The following ATP11A variants were observed in gnomAD, a reference collection of about 807,000 sequenced individuals.
The protein encoded by ATP11A is phospholipid-transporting ATPase IH.
ATP11A carries 81 observed loss-of-function variants against 154.4 expected under a neutral mutation model. The ratio of observed to expected loss-of-function variants is 0.52; its 90% CI spans 0.44 to 0.63. The LOEUF is 0.63. Among genes scored for constraint, ATP11A ranks in the 30% least tolerant of loss-of-function variants. ATP11A has a pLI of 0.00. For synonymous variants in ATP11A, 623 were observed against 585.9 expected (o/e 1.06, Z -0.91); for missense variants, 1,316 against 1,474.3 (o/e 0.89, Z 1.76).
chr13:112,800,605 T>C (rs1426076331), intron 2 of ATP11A, among the ~76,000 whole-genome samples: 1 of 152,086 alleles, frequency 6.6e-6, no homozygotes, highest in Non-Finnish European at 1.5e-5. Context: ...TACAATCTCT[T>C]CCAGGTAATA....
intron 17 of ATP11A, among the ~76,000 whole-genome samples, chr13:112,843,496 A>T (rs1259850398): frequency 6.6e-6 from 1 of 152,098 alleles, no homozygotes; most frequent in African/African-American, 2.4e-5. Context: ...AGAAACAGTA[A>T]CTGACAGGCT....
At chr13:112,776,142 A>G (rs774360628) in intron 1 of ATP11A, among the ~76,000 whole-genome samples, 2 of 152,122 alleles carry the variant, frequency 1.3e-5, no homozygotes, top group Admixed American at 6.5e-5. Flanking sequence ...ACGGGGATTC[A>G]TGTTGACATC....
intron 20 of ATP11A, 105 bp downstream of exon 20, chr13:112,856,190 A>G: frequency 8.7e-7 from 1 of 1,155,614 alleles, no homozygotes. Flanking sequence ...CTAGCAGGGT[A>G]CCACCTGTTA....
At chr13:112,757,914 G>A (rs1490981339) in intron 1 of ATP11A, among the ~76,000 whole-genome samples, 1 of 152,178 alleles carries the variant, frequency 6.6e-6, no homozygotes, top group Non-Finnish European at 1.5e-5. Flanking sequence ...GCTGTGTTAG[G>A]GGAGCCAGGG....
chr13:112,694,186 C>T (rs540781104), intron 1 of ATP11A, among the ~76,000 whole-genome samples: 59 of 152,316 alleles, frequency 3.9e-4, no homozygotes, highest in African/African-American at 1.2e-3. Flanking sequence ...TGGCTTAATT[C>T]CTTCTGCCTC....
In ATP11A at chr13:112,864,938, G is replaced by GTA. The variant is rs1566590949; in HGVS notation, c.2991+2363_2991+2364insTA. 5.1e-3 allele frequency among the ~76,000 whole-genome samples: 198 copies of GTA among 38,768 alleles called. 14 individuals are homozygous for GTA. Among genetic ancestry groups the GTA allele is most frequent in the Middle Eastern group, 0.056 (2 of 36 alleles). The allele number at this position is 38,768 out of a possible 152,430, so 25.4% of individuals were successfully genotyped here. On this transcript the variant is annotated intron_variant, in intron 25 of 29. Transcript: ENST00000375645. ...CACCACCTGCGCAGTAATTCAGTGC[G>GTA]GCCCATGCAGCTTCTCAGCAGGGTC...
chr13:112,791,298 C>G (rs145095631), intron 2 of ATP11A, among the ~76,000 whole-genome samples: 1,729 of 152,354 alleles, frequency 0.011, 21 homozygotes, highest in African/African-American at 0.039. Flanking sequence ...GCCCCCTGCA[C>G]AGTGTGGCTC....
chr13:112,693,043 G>A (rs1034922965), intron 1 of ATP11A, among the ~76,000 whole-genome samples: 2 of 152,214 alleles, frequency 1.3e-5, no homozygotes, highest in African/African-American at 4.8e-5. Context: ...ATGTGTGAGG[G>A]TGGCTAAAAG....
intron 5 of ATP11A, among the ~76,000 whole-genome samples, chr13:112,811,009 G>C (rs2078478222): frequency 1.3e-5 from 2 of 150,184 alleles, no homozygotes. Context: ...TGGCAAAACA[G>C]ACTGAGATGT....
At chr13:112,878,479 A>G (rs1185675648) in intron 29 of ATP11A, 176 bp downstream of exon 29, 1 of 640,090 alleles carries the variant, frequency 1.6e-6, no homozygotes. Flanking sequence ...GCACAGACTG[A>G]TCATGGGCTG....
In ATP11A at chr13:112,884,317, A is replaced by G. The variant is rs144159106; in HGVS notation, c.*2451A>G. 6.5e-6 allele frequency: 1 copy of G among 152,762 alleles called. No homozygotes were observed. The highest frequency in any genetic ancestry group is 1.9e-4 in the East Asian group (1 of 5,190). 9.5% of individuals were successfully genotyped at this position (152,762 alleles called of 1,614,324 possible). A position where few individuals can be genotyped will look rare whatever the true frequency, so the allele number is the denominator to read the frequency against. ...GCCATCCTTCAGCCTTAAAAATAGA[A>G]GATTCTCACGTGAAGGTTTAGTAAG... is the stretch of plus-strand genomic sequence containing the variant. On this transcript the variant is annotated 3_prime_UTR_variant, in exon 30 of 30. Transcript: ENST00000375645.
At chr13:112,708,773 C>G (rs1887431945) in intron 1 of ATP11A, among the ~76,000 whole-genome samples, 1 of 152,208 alleles carries the variant, frequency 6.6e-6, no homozygotes, top group Non-Finnish European at 1.5e-5. Context: ...CCCTGCCCGA[C>G]AAGCCTGTAG....
At chr13:112,706,574 T>G (rs1400213646) in intron 1 of ATP11A, among the ~76,000 whole-genome samples, 1 of 152,254 alleles carries the variant, frequency 6.6e-6, no homozygotes, top group Non-Finnish European at 1.5e-5. Context: ...AACATTTCTT[T>G]TACTATCTAA....
intron 1 of ATP11A, among the ~76,000 whole-genome samples, chr13:112,772,276 C>G (rs1243495039): frequency 1.3e-5 from 2 of 152,052 alleles, no homozygotes; most frequent in African/African-American, 4.8e-5. Context: ...GAGAAGCCTA[C>G]GTTTGTGCAG....
chr13:112,748,905 C>T (rs375445020), intron 1 of ATP11A, among the ~76,000 whole-genome samples: 3 of 152,242 alleles, frequency 2.0e-5, no homozygotes, highest in South Asian at 2.1e-4. Context: ...TTAACACTCG[C>T]GTTTGTTAAA....
At chr13:112,854,593 C>T (rs920465151) in intron 19 of ATP11A, 63 bp downstream of exon 19, 1 of 1,540,602 alleles carries the variant, frequency 6.5e-7, no homozygotes, top group Non-Finnish European at 8.7e-7. Context: ...GACCCAGTGG[C>T]CTTCACCTGC....
intron 2 of ATP11A, among the ~76,000 whole-genome samples, chr13:112,798,457 G>A (rs1019425298): frequency 7.2e-5 from 11 of 152,178 alleles, no homozygotes; most frequent in Non-Finnish European, 1.5e-4. Context: ...GTCTAACAGA[G>A]AGTACTTTAT....
chr13:112,847,863 A>T (rs2079651305), intron 17 of ATP11A, among the ~76,000 whole-genome samples: 1 of 152,178 alleles, frequency 6.6e-6, no homozygotes, highest in South Asian at 2.1e-4. Context: ...AGGCATAAGG[A>T]TCACTTGAGG....
chr13:112,797,344 A>C (rs554247556), intron 2 of ATP11A, among the ~76,000 whole-genome samples: 2 of 151,710 alleles, frequency 1.3e-5, no homozygotes, highest in African/African-American at 4.8e-5. Flanking sequence ...ACAAAAGAAG[A>C]GAGAAGAAAT....
Sources: allele counts gnomAD v4.1 joint callset (sites outside exome capture counted in the v4.1 genomes callset), GRCh38; gene constraint gnomAD v4.1.1; transcripts MANE v1.5; gene names NCBI Gene and HGNC (gene_info 2026-07-23, HGNC 2026-07-21).